Variants in VWA5B2 observed in about 807,000 individuals in gnomAD.
VWA5B2 encodes the protein von Willebrand factor A domain containing 5B2.
VWA5B2 carries 93 observed loss-of-function variants against 118.5 expected under a neutral mutation model. The ratio of observed to expected loss-of-function variants is 0.79; its 90% CI spans 0.66 to 0.93. VWA5B2 has a LOEUF of 0.93. Ranked by LOEUF, VWA5B2 falls within the 40% of genes least tolerant of loss-of-function variation. VWA5B2 has a pLI of 0.00. For missense variants in VWA5B2, 1,546 were observed against 1,672.8 expected (o/e 0.92, Z 1.32); for synonymous variants, 708 against 716.3 (o/e 0.99, Z 0.19).
chr3:184,231,809 G>A lies in VWA5B2; in HGVS notation c.310+892G>A, dbSNP rs562247033. On this transcript the variant is annotated intron_variant, in intron 3 of 19. Transcript: ENST00000691901. ...AGGGGATTTGCAATCCAGGTAAGAA[G>A]AAGAGGAACAGAATCCAGTGGTGTT... Among the ~76,000 whole-genome samples, 3 of 152,296 alleles carry A rather than the reference G, an allele frequency of 2.0e-5. No homozygotes were observed. In the South Asian group the frequency reaches 6.2e-4, roughly 32 times the overall value.
Position 184,233,820 on chromosome 3 carries a change from G to C in VWA5B2, c.688+87G>C. The C allele has an allele frequency of 1.3e-6, 2 of 1,489,800 alleles. No homozygotes were observed. The highest frequency in any genetic ancestry group is 1.8e-6 in the Non-Finnish European group (2 of 1,115,676). 92.3% of individuals were successfully genotyped at this position (1,489,800 alleles called of 1,614,324 possible). On this transcript the variant is annotated intron_variant, in intron 5 of 19. Coordinates refer to ENST00000691901, the MANE Select transcript of VWA5B2 (RefSeq NM_001390846.1). This position sits in a 1 kb window ranked among gnomAD's most constrained non-coding sequence, Gnocchi z 5.2. ...GGAAGGGAAATAAGGCTCAGGGATA[G>C]GAGGGACACAGGACAAAAAGACAGG...
At chr3:184,234,548 A>C in intron 6 of VWA5B2, 83 bp from the exon 7 acceptor site, 1 of 1,523,444 alleles carries the variant, frequency 6.6e-7, no homozygotes, top group Non-Finnish European at 8.8e-7. Context: ...CTGGACCTGC[A>C]GGCTCCTCCT....
chr3:184,236,577 G>GTT (rs759616837), intron 10 of VWA5B2, 26 bp downstream of exon 10: 1 of 1,549,002 alleles, frequency 6.5e-7, no homozygotes, highest in South Asian at 1.2e-5. Flanking sequence ...AACCAGATGC[G>GTT]TAAGACTGAG....
chr3:184,234,849 A>C, intron 7 of VWA5B2, 94 bp downstream of exon 7: 2 of 1,505,086 alleles, frequency 1.3e-6, no homozygotes, highest in Non-Finnish European at 1.8e-6. Context: ...GGGTGCGGGG[A>C]GGCCTCTTTT....
In VWA5B2 at chr3:184,241,570, C is replaced by CTGCCGTGCCTCGCCCTT. The variant is rs757216012; in HGVS notation, c.3270_3286dup (p.His1096ProfsTer82). The CTGCCGTGCCTCGCCCTT allele has an allele frequency of 1.3e-6, 2 of 1,548,406 alleles. No homozygotes were observed. The highest frequency in any genetic ancestry group is 8.7e-7 in the Non-Finnish European group (1 of 1,146,744). On this transcript the variant is annotated frameshift_variant, in exon 20 of 20. Coordinates refer to ENST00000691901, the MANE Select transcript of VWA5B2 (RefSeq NM_001390846.1). LOFTEE classifies it high-confidence loss of function. The surrounding 1 kb of genome is among the most constrained non-coding windows in gnomAD (Gnocchi z 5.1). ...CTGTGCGCATCTCGCAGGAGCGCCT[C>CTGCCGTGCCTCGCCCTT]TGCCGTGCCTCGCCCTTTGCCGTGC... is the stretch of plus-strand genomic sequence containing the variant.
intron 1 of VWA5B2, among the ~76,000 whole-genome samples, chr3:184,229,939 C>A (rs1717198008): frequency 6.6e-6 from 1 of 152,202 alleles, no homozygotes; most frequent in Admixed American, 6.5e-5. Flanking sequence ...GTTCTTCCCA[C>A]CCTTAACCCC....
In VWA5B2 at chr3:184,241,156, C is replaced by G. The variant is rs1457610219; in HGVS notation, c.2963-31C>G. The G allele has an allele frequency of 1.3e-6, 2 of 1,551,182 alleles. No homozygotes were observed. Among genetic ancestry groups the G allele is most frequent in the African/African-American group, 2.7e-5 (2 of 73,036 alleles). Reference sequence around the variant, plus strand: ...GGTAGGGGCACTTGGGCTTAGAGACCGCCCCCTGGCACTGATGATCCCCAC... The same window carrying G: ...GGTAGGGGCACTTGGGCTTAGAGACGGCCCCCTGGCACTGATGATCCCCAC... On this transcript the variant is annotated intron_variant, in intron 18 of 19. Coordinates refer to ENST00000691901, the MANE Select transcript of VWA5B2 (RefSeq NM_001390846.1). This position sits in a 1 kb window ranked among gnomAD's most constrained non-coding sequence, Gnocchi z 5.1.
At position 184,234,278 on chromosome 3, in the gene VWA5B2, C is replaced by G; in HGVS notation, c.701C>G (p.Pro234Arg). The G allele has an allele frequency of 1.9e-6, 3 of 1,551,676 alleles. 1 individual carries two copies. In the South Asian group the frequency reaches 3.6e-5, roughly 18 times the overall value. Residue 234 changes from proline to arginine, a missense_variant, in exon 6 of 20, where the codon CCC becomes CGC. Coordinates refer to ENST00000691901, the MANE Select transcript of VWA5B2 (RefSeq NM_001390846.1). ...CTATGTCCCTCAGGCCTGGAGAGCC[C>G]CTCTCATGCTCTGCGGGCAGATGCC... ...GPCLLAGLES[P>R]SHALRADAPP...
In VWA5B2 at chr3:184,239,177, C is replaced by T. The variant is rs1266690726; in HGVS notation, c.2203-217C>T. 6.6e-6 allele frequency among the ~76,000 whole-genome samples: 1 copy of T among 152,178 alleles called. No individual in the cohort carries two copies. The highest frequency in any genetic ancestry group is 1.5e-5 in the Non-Finnish European group (1 of 68,042). On this transcript the variant is annotated intron_variant, in intron 14 of 19. Coordinates refer to ENST00000691901, the MANE Select transcript of VWA5B2 (RefSeq NM_001390846.1). The surrounding 1 kb of genome is among the most constrained non-coding windows in gnomAD (Gnocchi z 5.1). The stretch of plus-strand genomic sequence containing the variant: ...TAAACGAAAATACAGAGACAAGCAA[C>T]AACCACAAGTGGGAAATAGGGAGTG...
Position 184,242,098 on chromosome 3 carries a change from CAGGGCTGGCCTCTT to C in VWA5B2, c.*61_*74del, listed in dbSNP as rs1460597205. On this transcript the variant is annotated 3_prime_UTR_variant, in exon 20 of 20. Transcript: ENST00000691901. ...CCAACACACTCAAGTCACTGCCGCC[CAGGGCTGGCCTCTT>C]GGTGCTGGGAAAGTGTAGGCTGGTG... 1 of 1,526,568 alleles carries C rather than the reference CAGGGCTGGCCTCTT, an allele frequency of 6.6e-7. No homozygotes were observed. Among genetic ancestry groups the C allele is most frequent in the Non-Finnish European group, 8.8e-7 (1 of 1,138,118 alleles). The allele number at this position is 1,526,568 out of a possible 1,614,324, so 94.6% of individuals were successfully genotyped here. A position where few individuals can be genotyped will look rare whatever the true frequency, so the allele number is the denominator to read the frequency against.
chr3:184,235,374 G>C (rs911131373), intron 8 of VWA5B2, 66 bp downstream of exon 8: 15 of 1,504,028 alleles, frequency 1.0e-5, no homozygotes, highest in Middle Eastern at 2.2e-4. Flanking sequence ...AGGAGGGCTG[G>C]GGGCAGCCTC....
Position 184,233,723 on chromosome 3 carries a change from C to A in VWA5B2, c.678C>A (p.Cys226Ter), listed in dbSNP as rs1717657619. 6.4e-7 allele frequency: 1 copy of A among 1,550,410 alleles called. No individual in the cohort carries two copies. The change falls in exon 5 of 20, where the codon TGC becomes TGA. Residue 226 changes from cysteine to a stop codon, truncating the protein, a stop_gained. Transcript: ENST00000691901. LOFTEE classifies it high-confidence loss of function. This position sits in a 1 kb window ranked among gnomAD's most constrained non-coding sequence, Gnocchi z 5.2. ...FSFEMLVTGP[C>*]LLAGLESPSH... ...TCGAGATGCTGGTGACTGGGCCATG[C>A]CTGCTTGCAGGTGGGTGCATCTGGC...
chr3:184,237,318 C>A lies in VWA5B2; in HGVS notation c.1626C>A (p.Thr542=). Reference sequence around the variant, plus strand: ...CCGACACTGTGGAGGCACTGCTGACCCCCCGGGAGATCCCAGCACTCTACC... The same window carrying A: ...CCGACACTGTGGAGGCACTGCTGACACCCCGGGAGATCCCAGCACTCTACC... ...FVPDTVEALL[T]PREIPALYPG... The change falls in exon 12 of 20, where the codon ACC becomes ACA. Residue 542 remains threonine, a synonymous_variant. Transcript: ENST00000691901. This position sits in a 1 kb window ranked among gnomAD's most constrained non-coding sequence, Gnocchi z 5.6. 1 of 1,551,514 alleles carries A rather than the reference C, an allele frequency of 6.4e-7. No individual in the cohort carries two copies. Among genetic ancestry groups the A allele is most frequent in the Non-Finnish European group, 8.7e-7 (1 of 1,147,004 alleles).
In VWA5B2 at chr3:184,236,280, A is replaced by G; in HGVS notation, c.1212+18A>G. The G allele has an allele frequency of 6.4e-7, 1 of 1,551,702 alleles. No homozygotes were observed. The highest frequency in any genetic ancestry group is 8.7e-7 in the Non-Finnish European group (1 of 1,146,946). ...GCAGTGATGTGAGTGTGGTCCAGGG[A>G]TCTGGGGGCCTTACAGAGAGGTTTC... On this transcript the variant is annotated intron_variant, in intron 9 of 19. Coordinates refer to ENST00000691901, the MANE Select transcript of VWA5B2 (RefSeq NM_001390846.1).
In VWA5B2 at chr3:184,236,176, T is replaced by G. The variant is rs749781891; in HGVS notation, c.1126T>G (p.Ser376Ala). The change falls in exon 9 of 20, where the codon TCC becomes GCC. Residue 376 changes from serine to alanine, a missense_variant. This residue lies in a region of VWA5B2 where 775 missense variants were observed against 882.3 expected (regional missense o/e 0.88). Coordinates refer to ENST00000691901, the MANE Select transcript of VWA5B2 (RefSeq NM_001390846.1). ...GGATGCCATTGTTTTGGCTGTGAAG[T>G]CCCTCCCGCCCCAGACGCTTATCAA... is the stretch of plus-strand genomic sequence containing the variant. ...HKDAIVLAVKSLPPQTLINLA... is the reference protein window; with the variant it reads ...HKDAIVLAVKALPPQTLINLA... The G allele has an allele frequency of 1.9e-6, 3 of 1,551,564 alleles. No individual in the cohort carries two copies. In the South Asian group the frequency reaches 3.6e-5, roughly 18 times the overall value.
chr3:184,241,075 C>T lies in VWA5B2; in HGVS notation c.2930C>T (p.Ala977Val). ...TPPASHSHLD[A>V]APLPTVVYSK... The stretch of plus-strand genomic sequence containing the variant: ...CCTGCCTCTCACAGCCATCTAGATG[C>T]AGCTCCTCTGCCCACTGTTGTCTAC... Residue 977 changes from alanine (A) to valine (V), a missense_variant, in exon 18 of 20, where the codon GCA becomes GTA. Ala to Val is a moderately conservative substitution (Grantham distance 64). Around this residue, in one of 3 missense-constraint regions of VWA5B2, gnomAD observed 763 missense variants for 766.6 expected, o/e 1.00. Transcript: ENST00000691901. The surrounding 1 kb of genome is among the most constrained non-coding windows in gnomAD (Gnocchi z 5.1). The T allele has an allele frequency of 6.4e-7, 1 of 1,551,768 alleles. No homozygotes were observed.
Position 184,234,746 on chromosome 3 carries a change from G to A in VWA5B2, c.936G>A (p.Gly312=). 2 of 1,550,792 alleles carry A rather than the reference G, an allele frequency of 1.3e-6. No homozygotes were observed. The highest frequency in any genetic ancestry group is 1.7e-6 in the Non-Finnish European group (2 of 1,146,932). The change falls in exon 7 of 20, where the codon GGG becomes GGA. Residue 312 remains glycine (G), a synonymous_variant. Transcript: ENST00000691901. The part of the protein sequence containing the change: ...FQRLQRRDSD[G]DRQVWFLQRR... ...GGCTACAGCGAAGGGACAGTGATGG[G>A]GACCGGCAGGTACCGCCATAGGAGC...
chr3:184,236,511 C>A lies in VWA5B2; in HGVS notation c.1381C>A (p.Arg461=). The A allele has an allele frequency of 6.5e-7, 1 of 1,548,766 alleles. No individual in the cohort carries two copies. The highest frequency in any genetic ancestry group is 8.7e-7 in the Non-Finnish European group (1 of 1,146,986). The change falls in exon 10 of 20, where the codon CGA becomes AGA. Residue 461 remains arginine, a synonymous_variant. Coordinates refer to ENST00000691901, the MANE Select transcript of VWA5B2 (RefSeq NM_001390846.1). ...AASPMAATTH[R]TLELMRWHRG... ...CTCACCCATGGCCGCCACTACCCACCGAACCCTGGAGCTCATGAGGTGGCA... is the reference window on the plus strand; with the variant it reads ...CTCACCCATGGCCGCCACTACCCACAGAACCCTGGAGCTCATGAGGTGGCA...
At position 184,235,302 on chromosome 3, in the gene VWA5B2, A is replaced by G; in HGVS notation, c.1095A>G (p.Ala365=). ...TCCTTTTGGATAGCAGCAGCGTGGCACACAAGGCCCGTGGGGGTGTGGTGT... is the reference window on the plus strand; with the variant it reads ...TCCTTTTGGATAGCAGCAGCGTGGCGCACAAGGCCCGTGGGGGTGTGGTGT... ...LLFLLDSSSV[A]HKDAIVLAVK... The change falls in exon 8 of 20, where the codon GCA becomes GCG. Residue 365 remains alanine (A), a synonymous_variant. Coordinates refer to ENST00000691901, the MANE Select transcript of VWA5B2 (RefSeq NM_001390846.1). 6.4e-7 allele frequency: 1 copy of G among 1,551,450 alleles called. No homozygotes were observed. Among genetic ancestry groups the G allele is most frequent in the Non-Finnish European group, 8.7e-7 (1 of 1,146,892 alleles).
Sources: gnomAD v4.1 joint callset for allele counts (sites outside exome capture counted in the v4.1 genomes callset) on GRCh38, gnomAD v4.1.1 for gene constraint, gnomAD v4.1.1 regional missense constraint, Gnocchi (gnomAD v3.1) non-coding constraint, MANE v1.5 for transcripts, NCBI Gene and HGNC (gene_info 2026-07-23, HGNC 2026-07-21) for gene names.